The following MAP2K4 variants were observed in gnomAD, a reference collection of about 807,000 sequenced individuals.
The protein encoded by MAP2K4 is mitogen-activated protein kinase kinase 4, also known as dual specificity mitogen-activated protein kinase kinase 4.
Under a neutral mutation model 48.5 loss-of-function variants are expected in MAP2K4, and 4 were observed. The observed-to-expected ratio is 0.08, with a 90% confidence interval of 0.04 to 0.19. The LOEUF is 0.19. MAP2K4 is among the 10% of genes least tolerant of loss of function. The pLI is 1.00. For missense variants in MAP2K4, 258 were observed against 493.3 expected, an observed-to-expected ratio of 0.52 and a Z score of 4.52; for synonymous variants, 166 against 173.1, an observed-to-expected ratio of 0.96 and a Z score of 0.32.
intron 1 of MAP2K4, among the ~76,000 whole-genome samples, chr17:12,031,481 T>C (rs1169884708): frequency 6.6e-6 from 1 of 152,210 alleles, no homozygotes; most frequent in East Asian, 1.9e-4. Context: ...ATCCATCCAC[T>C]CACTAAACTA....
intron 1 of MAP2K4, among the ~76,000 whole-genome samples, chr17:12,043,042 G>A (rs1346791548): frequency 2.7e-5 from 4 of 150,452 alleles, no homozygotes; most frequent in East Asian, 2.0e-4. Context: ...GTGAGACTCC[G>A]TCTCAAAAAA....
chr17:12,023,616 T>C (rs1024795366), intron 1 of MAP2K4, among the ~76,000 whole-genome samples: 1 of 152,242 alleles, frequency 6.6e-6, no homozygotes, highest in Non-Finnish European at 1.5e-5. Flanking sequence ...CATCCTCTTA[T>C]GTGGTAAGCA....
intron 2 of MAP2K4, among the ~76,000 whole-genome samples, chr17:12,055,251 C>T (rs1970248763): frequency 6.6e-6 from 1 of 152,022 alleles, no homozygotes; most frequent in African/African-American, 2.4e-5. Context: ...TAGATTCCTG[C>T]AAGATTTCTA....
chr17:12,042,254 C>G (rs890523030), intron 1 of MAP2K4, among the ~76,000 whole-genome samples: 1 of 138,686 alleles, frequency 7.2e-6, no homozygotes, highest in African/African-American at 2.6e-5. Context: ...AAAATATAAA[C>G]AAAATTATGT....
At chr17:12,135,913 TTGAC>T (rs1973192099) in intron 9 of MAP2K4, among the ~76,000 whole-genome samples, 1 of 152,072 alleles carries the variant, frequency 6.6e-6, no homozygotes, top group Non-Finnish European at 1.5e-5. Context: ...AGCTCTGAAG[TTGAC>T]TGAAATTCAG....
intron 2 of MAP2K4, among the ~76,000 whole-genome samples, chr17:12,077,457 A>T: frequency 6.6e-6 from 1 of 152,202 alleles, no homozygotes; most frequent in East Asian, 1.9e-4. Context: ...CAGATAGTTT[A>T]TTTCACTTTT....
intron 3 of MAP2K4, among the ~76,000 whole-genome samples, chr17:12,083,359 A>G (rs1210727348): frequency 1.3e-5 from 2 of 152,254 alleles, no homozygotes; most frequent in Non-Finnish European, 2.9e-5. Context: ...ATGTTACATT[A>G]TCAGTGGCTA....
At chr17:12,082,080 AT>A (rs1315468584) in intron 3 of MAP2K4, 1 of 358,428 alleles carries the variant, frequency 2.8e-6, no homozygotes, top group Non-Finnish European at 6.2e-6. Context: ...ACTGAAATGC[AT>A]ACCTTGTGAT....
At chr17:12,032,216 G>C in intron 1 of MAP2K4, 1 of 1,054,700 alleles carries the variant, frequency 9.5e-7, no homozygotes, top group Non-Finnish European at 1.3e-6. Flanking sequence ...TCCAATTTTG[G>C]TTTGTTTGAT....
At chr17:12,022,454 T>G (rs1020270122) in intron 1 of MAP2K4, among the ~76,000 whole-genome samples, 1 of 152,056 alleles carries the variant, frequency 6.6e-6, no homozygotes, top group African/African-American at 2.4e-5. Flanking sequence ...ACAATTTAGG[T>G]GGTGGTGGTT....
At chr17:12,118,249 A>T (rs779990822) in intron 7 of MAP2K4, among the ~76,000 whole-genome samples, 13 of 152,172 alleles carry the variant, frequency 8.5e-5, no homozygotes, top group Non-Finnish European at 1.6e-4. Context: ...TGGCATGATT[A>T]CCCCAGAAAG....
chr17:12,041,056 T>G (rs931224696), intron 1 of MAP2K4, among the ~76,000 whole-genome samples: 1 of 152,270 alleles, frequency 6.6e-6, no homozygotes, highest in Non-Finnish European at 1.5e-5. Context: ...ATGAAGTAGA[T>G]AGAATGCAGC....
At chr17:12,116,019 A>T (rs1356278173) in intron 7 of MAP2K4, 1 of 368,344 alleles carries the variant, frequency 2.7e-6, no homozygotes, top group Admixed American at 3.7e-5. Flanking sequence ...AAAAAAACCA[A>T]ATGACCGCAC....
chr17:12,131,295 G>T (rs1391849207), intron 9 of MAP2K4, among the ~76,000 whole-genome samples: 1 of 150,344 alleles, frequency 6.7e-6, no homozygotes, highest in South Asian at 2.1e-4. Context: ...GCCCAGGCTG[G>T]AGTGTAATGA....
At chr17:12,056,663 G>C (rs557058287) in intron 2 of MAP2K4, among the ~76,000 whole-genome samples, 1 of 152,126 alleles carries the variant, frequency 6.6e-6, no homozygotes, top group Admixed American at 6.5e-5. Flanking sequence ...TTCTGGGTTA[G>C]GAATAGGTAA....
In MAP2K4 at chr17:12,129,201, A is replaced by G; in HGVS notation, c.954A>G (p.Thr318=). 2 of 1,614,232 alleles carry G rather than the reference A, an allele frequency of 1.2e-6. No individual in the cohort carries two copies. The highest frequency in any genetic ancestry group is 1.7e-6 in the Non-Finnish European group (2 of 1,180,022). ...PKWNSVFDQL[T]QVVKGDPPQL... ...GGAATAGTGTATTTGATCAACTAAC[A>G]CAAGTCGTGAAAGGAGATCCTCCGC... The change falls in exon 9 of 11, where the codon ACA becomes ACG. Residue 318 remains threonine (T), a synonymous_variant. Coordinates refer to ENST00000353533, the MANE Select transcript of MAP2K4 (RefSeq NM_003010.4).
At chr17:12,021,552 A>G (rs1265611823) in intron 1 of MAP2K4, 1 of 143,384 alleles carries the variant, frequency 7.0e-6, no homozygotes, top group Non-Finnish European at 1.5e-5. Context: ...ACCTCGGGCT[A>G]CGGGGGCCTC....
intron 8 of MAP2K4, among the ~76,000 whole-genome samples, chr17:12,128,794 A>C (rs1305096369): frequency 6.6e-6 from 1 of 152,230 alleles, no homozygotes; most frequent in Admixed American, 6.5e-5. Flanking sequence ...CTATAGTAAA[A>C]TAGTTCTAAA....
chr17:12,073,770 ATT>A (rs200587573), intron 2 of MAP2K4, among the ~76,000 whole-genome samples: 23,520 of 137,490 alleles, frequency 0.17, 2,166 homozygotes, highest in South Asian at 0.3. Flanking sequence ...CTCGTTGTAG[ATT>A]TTTTTTTTTT....
Sources: allele counts gnomAD v4.1 joint callset (sites outside exome capture counted in the v4.1 genomes callset), GRCh38; gene constraint gnomAD v4.1.1; transcripts MANE v1.5; gene names NCBI Gene and HGNC (gene_info 2026-07-23, HGNC 2026-07-21).